The following DAB1 variants were observed in gnomAD, a reference collection of about 807,000 sequenced individuals.
The protein encoded by DAB1 is DAB adaptor protein 1.
Under a neutral mutation model 64.6 loss-of-function variants are expected in DAB1, and 15 were observed. That is an observed-to-expected ratio of 0.23 (90% CI 0.16 to 0.36). DAB1 has a LOEUF of 0.36. Ranked by LOEUF, DAB1 falls within the 10% of genes least tolerant of loss-of-function variation. The pLI, the probability that DAB1 is intolerant of heterozygous loss-of-function variation, is 1.00. For missense variants in DAB1, 596 were observed against 706.7 expected (o/e 0.84, Z 1.78); for synonymous variants, 235 against 251.9 (o/e 0.93, Z 0.64).
intron 5 of DAB1, among the ~76,000 whole-genome samples, chr1:58,118,003 C>T (rs907711560): frequency 6.6e-6 from 1 of 151,896 alleles, no homozygotes; most frequent in African/African-American, 2.4e-5. Flanking sequence ...TTCCCAGGCT[C>T]AAGTGATCTC....
chr1:57,474,335 T>C (rs1216901223), intron 7 of DAB1, among the ~76,000 whole-genome samples: 1 of 152,202 alleles, frequency 6.6e-6, no homozygotes, highest in Non-Finnish European at 1.5e-5. Flanking sequence ...GATGCCTCTG[T>C]TTCTTCCATC....
At chr1:57,756,272 C>T (rs926035812) in intron 6 of DAB1, among the ~76,000 whole-genome samples, 1 of 152,096 alleles carries the variant, frequency 6.6e-6, no homozygotes. Flanking sequence ...GACAACTCAA[C>T]TTGCAAATTA....
chr1:57,138,007 G>A (rs1658277401), intron 3 of DAB1, among the ~76,000 whole-genome samples: 1 of 151,972 alleles, frequency 6.6e-6, no homozygotes, highest in Non-Finnish European at 1.5e-5. Flanking sequence ...TTTTTTGCAT[G>A]GTTAAGAGAC....
chr1:57,782,712 T>G (rs1199743603), intron 6 of DAB1, among the ~76,000 whole-genome samples: 3 of 152,154 alleles, frequency 2.0e-5, no homozygotes, highest in Non-Finnish European at 2.9e-5. Context: ...CCTGGGTAAG[T>G]AGGTAATGCT....
At chr1:57,393,143 C>T (rs1176046068) in intron 1 of DAB1, among the ~76,000 whole-genome samples, 1 of 151,972 alleles carries the variant, frequency 6.6e-6, no homozygotes, top group Non-Finnish European at 1.5e-5. Context: ...TCTGTGTGAC[C>T]TGAGCAAGCT....
At position 57,291,041 on chromosome 1, in the gene DAB1, C is replaced by A; in HGVS notation, c.-11G>T. The stretch of plus-strand genomic sequence containing the variant: ...TGTCTCAGTTGACATCCTACTTAAT[C>A]CTTAGTCCACTTCACACAGATCCCG... On this transcript the variant is annotated 5_prime_UTR_variant, in exon 2 of 15. Transcript: ENST00000371236. 6.2e-7 allele frequency: 1 copy of A among 1,605,474 alleles called. No individual in the cohort carries two copies. Among genetic ancestry groups the A allele is most frequent in the South Asian group, 1.1e-5 (1 of 89,896 alleles).
At chr1:57,451,027 A>G (rs1558392863) in intron 7 of DAB1, among the ~76,000 whole-genome samples, 1 of 152,194 alleles carries the variant, frequency 6.6e-6, no homozygotes, top group Admixed American at 6.5e-5. Context: ...CTTCTTTCGT[A>G]TCAGCCAGAT....
chr1:58,469,305 T>C (rs911961011), intron 3 of DAB1, among the ~76,000 whole-genome samples: 1 of 152,080 alleles, frequency 6.6e-6, no homozygotes, highest in African/African-American at 2.4e-5. Flanking sequence ...TTTTGTTATC[T>C]GAAAAATGAG....
At chr1:57,062,706 T>G (rs1256619710) in intron 9 of DAB1, among the ~76,000 whole-genome samples, 178 bp downstream of exon 9, 1 of 152,126 alleles carries the variant, frequency 6.6e-6, no homozygotes, top group Non-Finnish European at 1.5e-5. Flanking sequence ...TGCTACCATT[T>G]CTGCCTCATG....
At chr1:57,089,723 A>C (rs914729987) in intron 4 of DAB1, among the ~76,000 whole-genome samples, 1 of 152,210 alleles carries the variant, frequency 6.6e-6, no homozygotes, top group African/African-American at 2.4e-5. Context: ...TGGGGATTAC[A>C]TCTTAACATG....
Position 58,018,088 on chromosome 1 carries a change from T to C in DAB1, n.387+132423A>G, listed in dbSNP as rs1341505820. On this transcript the variant is annotated intron_variant and non_coding_transcript_variant, in intron 5 of 20. Transcript: ENST00000485760. ...TGATCATGATGCTTGTGCTTTTTAC[T>C]GCATTCTAAGTGCTTTTTACTGCAT... is the stretch of plus-strand genomic sequence containing the variant. 6.0e-5 allele frequency among the ~76,000 whole-genome samples: 7 copies of C among 116,760 alleles called. No individual in the cohort carries two copies. The Middle Eastern group carries it at 0.011, about 185-fold the overall frequency. The allele number at this position is 116,760 out of a possible 152,430, so 76.6% of individuals were successfully genotyped here. A position where few individuals can be genotyped will look rare whatever the true frequency, so the allele number is the denominator to read the frequency against.
intron 1 of DAB1, among the ~76,000 whole-genome samples, chr1:57,414,446 G>A (rs1684343359): frequency 6.6e-6 from 1 of 152,176 alleles, no homozygotes; most frequent in Admixed American, 6.5e-5. Context: ...TATGTACATT[G>A]ATTTTTTTAC....
At chr1:58,493,861 C>T (rs1415672379) in intron 3 of DAB1, among the ~76,000 whole-genome samples, 1 of 151,616 alleles carries the variant, frequency 6.6e-6, no homozygotes, top group African/African-American at 2.4e-5. Context: ...TTTATAGATT[C>T]AATGCCATCC....
At chr1:58,370,288 G>A (rs1047405592) in intron 3 of DAB1, among the ~76,000 whole-genome samples, 1 of 151,932 alleles carries the variant, frequency 6.6e-6, no homozygotes, top group Non-Finnish European at 1.5e-5. Context: ...AAAAAAGAAA[G>A]ATATAGCATG....
At chr1:57,401,175 A>G (rs1231332970) in intron 1 of DAB1, among the ~76,000 whole-genome samples, 1 of 152,114 alleles carries the variant, frequency 6.6e-6, no homozygotes, top group Non-Finnish European at 1.5e-5. Context: ...CATTTCATAT[A>G]TATTAAGATG....
chr1:57,743,482 G>T lies in DAB1; in HGVS notation n.552-93817C>A, dbSNP rs189780462. On this transcript the variant is annotated intron_variant and non_coding_transcript_variant, in intron 6 of 20. Transcript: ENST00000485760. ...CTGACTCTCTTTTCGGACTCAGCTC[G>T]CCTGCACCCAGGTGAAATAAACAGC... Among the ~76,000 whole-genome samples, 1,001 of 152,282 alleles carry T rather than the reference G, an allele frequency of 6.6e-3. 5 individuals are homozygous for T. The highest frequency in any genetic ancestry group is 0.011 in the Non-Finnish European group (716 of 68,034).
chr1:57,084,921 A>G (rs1652914612), intron 4 of DAB1, among the ~76,000 whole-genome samples: 4 of 152,156 alleles, frequency 2.6e-5, no homozygotes. Flanking sequence ...TGTTTCTCTT[A>G]CACTAATTGG....
At chr1:58,449,069 T>G (rs1645103618) in intron 3 of DAB1, among the ~76,000 whole-genome samples, 1 of 151,994 alleles carries the variant, frequency 6.6e-6, no homozygotes, top group South Asian at 2.1e-4. Context: ...AGAATATGAG[T>G]GGAATACACT....
chr1:58,145,849 C>G (rs959325155), intron 5 of DAB1, among the ~76,000 whole-genome samples: 5 of 152,176 alleles, frequency 3.3e-5, no homozygotes, highest in South Asian at 2.1e-4. Flanking sequence ...AGAAAGGACA[C>G]GCAATATGGG....
Sources: allele counts gnomAD v4.1 joint callset (sites outside exome capture counted in the v4.1 genomes callset), GRCh38; gene constraint gnomAD v4.1.1; transcripts MANE v1.5; gene names NCBI Gene and HGNC (gene_info 2026-07-23, HGNC 2026-07-21).